The following MXRA5 variants were observed in gnomAD, a reference collection of about 807,000 sequenced individuals.
MXRA5 encodes the protein matrix-remodeling-associated protein 5.
MXRA5 carries 41 observed loss-of-function variants against 112.5 expected under a neutral mutation model. The observed-to-expected ratio is 0.36, with a 90% CI of 0.28 to 0.47. The LOEUF is 0.47. Among genes scored for constraint, MXRA5 ranks in the 20% least tolerant of loss-of-function variants. MXRA5 has a pLI of 0.99. For missense variants in MXRA5, 2,150 were observed against 2,251.0 expected (o/e 0.96, Z 0.91); for synonymous variants, 862 against 900.8 (o/e 0.96, Z 0.77).
chrX:3,323,145 A>G lies in MXRA5; in HGVS notation c.2540T>C (p.Leu847Pro). ...SAEESSADVP[L>P]LGEEEHVLGT... ...CAAAACGTGCTCTTCTTCACCAAGT[A>G]GAGGTACATCTGCTGAGGATTCTTC... Residue 847 changes from leucine (L) to proline (P), a missense_variant, in exon 5 of 7, where the codon CTA becomes CCA. Leu to Pro is a moderately conservative substitution (Grantham distance 98, BLOSUM62 -3). This residue lies in a region of MXRA5 where 1,485 missense variants were observed against 1,471.6 expected (regional missense o/e 1.01). Transcript: ENST00000217939. The G allele has an allele frequency of 2.5e-6, 3 of 1,211,657 alleles. No individual in the cohort carries two copies. The highest frequency in any genetic ancestry group is 3.4e-6 in the Non-Finnish European group (3 of 895,468).
chrX:3,316,171 A>T (rs113609604), intron 6 of MXRA5, among the ~76,000 whole-genome samples: 4 of 83,722 alleles, frequency 4.8e-5, no homozygotes, highest in African/African-American at 2.1e-4. Flanking sequence ...AAAATTAGCC[A>T]GGCGTGGTGG....
chrX:3,308,770 C>T lies in MXRA5; in HGVS notation c.*946G>A, dbSNP rs1265979380. 9.0e-6 allele frequency: 1 copy of T among 111,007 alleles called. No individual in the cohort carries two copies. The highest frequency in any genetic ancestry group is 3.3e-5 in the African/African-American group (1 of 30,493). The allele number at this position is 111,007 out of a possible 1,213,427, so 9.1% of individuals were successfully genotyped here. On this transcript the variant is annotated 3_prime_UTR_variant, in exon 7 of 7. Coordinates refer to ENST00000217939, the MANE Select transcript of MXRA5 (RefSeq NM_015419.4). Reference sequence around the variant, plus strand: ...GGCTTTTCGGGGAAGACTCTAGATTCAATTCTGTAAAGTTATGATGCAGTT... The same window carrying T: ...GGCTTTTCGGGGAAGACTCTAGATTTAATTCTGTAAAGTTATGATGCAGTT...
chrX:3,320,454 C>G lies in MXRA5; in HGVS notation c.5231G>C (p.Gly1744Ala), dbSNP rs2146920643. The change falls in exon 5 of 7, where the codon GGA becomes GCA. Residue 1744 changes from glycine to alanine, a missense_variant. Physicochemically the swap from Gly to Ala is moderately conservative, Grantham distance 60 (BLOSUM62 0). Around this residue, in one of 6 missense-constraint regions of MXRA5, gnomAD observed 1,485 missense variants for 1,471.6 expected, o/e 1.01. Transcript: ENST00000217939. Reference sequence around the variant, plus strand: ...GGGTATCTGGGGTCTCCGGGTGACTCCCAACTGTGGAAAAGAAAGAGTCTT... The same window carrying G: ...GGGTATCTGGGGTCTCCGGGTGACTGCCAACTGTGGAAAAGAAAGAGTCTT... The part of the protein sequence containing the change: ...TNKTLSFPQL[G>A]VTRRPQIPTS... The G allele has an allele frequency of 8.3e-7, 1 of 1,211,193 alleles. No homozygotes were observed. The highest frequency in any genetic ancestry group is 1.1e-6 in the Non-Finnish European group (1 of 895,247).
chrX:3,321,875 A>G lies in MXRA5; in HGVS notation c.3810T>C (p.Thr1270=), dbSNP rs1219398823. The change falls in exon 5 of 7, where the codon ACT becomes ACC. Residue 1270 remains threonine (T), a synonymous_variant. Coordinates refer to ENST00000217939, the MANE Select transcript of MXRA5 (RefSeq NM_015419.4). ...SPENKHRNIV[T]PSSETILLPR... The stretch of plus-strand genomic sequence containing the variant: ...GCAAAAGTATAGTTTCTGAACTGGG[A>G]GTAACAATGTTTCTATGTTTATTTT... The G allele has an allele frequency of 5.0e-6, 6 of 1,211,255 alleles. No individual in the cohort carries two copies. The South Asian group carries it at 1.1e-4, about 21-fold the overall frequency.
At chrX:3,335,386 A>G (rs753750254) in intron 2 of MXRA5, among the ~76,000 whole-genome samples, 3 of 111,210 alleles carry the variant, frequency 2.7e-5, no homozygotes, top group Admixed American at 1.9e-4. Flanking sequence ...TAGTAGAGAC[A>G]GGGTTTCACC....
At chrX:3,336,041 C>T (rs1209722430) in intron 2 of MXRA5, among the ~76,000 whole-genome samples, 1 of 112,258 alleles carries the variant, frequency 8.9e-6, no homozygotes, top group Non-Finnish European at 1.9e-5. Context: ...ACAGCCATTC[C>T]CCATTGCTGG....
chrX:3,336,735 A>G (rs1009192559), intron 2 of MXRA5, among the ~76,000 whole-genome samples: 2 of 112,599 alleles, frequency 1.8e-5, no homozygotes, highest in African/African-American at 6.5e-5. Context: ...CTTTGTACAG[A>G]TCAGCTTCGT....
chrX:3,319,100 A>C (rs1303706544), intron 5 of MXRA5, among the ~76,000 whole-genome samples: 1 of 111,609 alleles, frequency 9.0e-6, no homozygotes, highest in African/African-American at 3.3e-5. Context: ...AAGAGTATGA[A>C]GTTCAGTTAG....
chrX:3,316,961 C>T, intron 6 of MXRA5, 142 bp downstream of exon 6: 1 of 721,737 alleles, frequency 1.4e-6, no homozygotes, highest in Non-Finnish European at 1.9e-6. Flanking sequence ...CAGGCGTGAG[C>T]CACCGTGCCC....
chrX:3,310,503 G>A lies in MXRA5; in HGVS notation c.7700C>T (p.Ala2567Val), dbSNP rs142504923. Residue 2567 changes from alanine (A) to valine (V), a missense_variant, in exon 7 of 7, where the codon GCG becomes GTG. By Grantham distance (64) the Ala-to-Val change is moderately conservative. Around this residue, in one of 6 missense-constraint regions of MXRA5, gnomAD observed 93 missense variants for 135.5 expected, o/e 0.69. Transcript: ENST00000217939. ...CACCAGGCTGGGTGTCGGGGTCCCC[G>A]CGGCAGAGCAGTTGAGGCTGATGGT... ...GHTISLNCSA[A>V]GTPTPSLVWV... 106 of 1,198,778 alleles carry A rather than the reference G, an allele frequency of 8.8e-5. No homozygotes were observed. In the African/African-American group the frequency reaches 1.4e-3, roughly 16 times the overall value.
chrX:3,339,589 A>C (rs1921868556), intron 2 of MXRA5, among the ~76,000 whole-genome samples: 1 of 111,588 alleles, frequency 9.0e-6, no homozygotes, highest in Non-Finnish European at 1.9e-5. Flanking sequence ...TTTAAGGGGC[A>C]TTAGAGAGCT....
intron 2 of MXRA5, among the ~76,000 whole-genome samples, chrX:3,333,935 G>A (rs1921727446): frequency 1.8e-5 from 2 of 111,414 alleles, no homozygotes; most frequent in Admixed American, 1.9e-4. Context: ...GGAGGTCCCA[G>A]TGTGTAGACG....
chrX:3,346,451 TC>T (rs1922110521), intron 1 of MXRA5, 63 bp downstream of exon 1: 1 of 702,100 alleles, frequency 1.4e-6, no homozygotes, highest in African/African-American at 2.4e-5. Context: ...GTGTCTCAAA[TC>T]CCTTCACCCC....
chrX:3,331,223 A>C (rs1410876271), intron 2 of MXRA5, among the ~76,000 whole-genome samples: 1 of 111,598 alleles, frequency 9.0e-6, no homozygotes, highest in Non-Finnish European at 1.9e-5. Context: ...AGTGATTCTG[A>C]GGTTACAGGG....
At position 3,346,567 on chromosome X, in the gene MXRA5, G is replaced by T; in HGVS notation, c.-81C>A. The T allele has an allele frequency of 9.3e-6, 7 of 754,717 alleles. No homozygotes were observed. The highest frequency in any genetic ancestry group is 1.1e-5 in the Non-Finnish European group (7 of 639,322). The allele number at this position is 754,717 out of a possible 1,213,427, so 62.2% of individuals were successfully genotyped here. A position where few individuals can be genotyped will look rare whatever the true frequency, so the allele number is the denominator to read the frequency against. ...GAGCGGTGCGCCGGGAGCATCCACC[G>T]AGCCGGGGCGCGCGAGTCACGGCCG... On this transcript the variant is annotated 5_prime_UTR_variant, in exon 1 of 7. Transcript: ENST00000217939.
rs1431679580 is a variant in MXRA5 at position 3,313,878 on chromosome X, T to G, written c.6579-2254A>C. 2.7e-5 allele frequency among the ~76,000 whole-genome samples: 3 copies of G among 112,127 alleles called. No homozygotes were observed. The Admixed American group carries it at 2.8e-4, about 11-fold the overall frequency. The stretch of plus-strand genomic sequence containing the variant: ...CCTGGGTAAATTGGGTACATGGCTC[T>G]TCTGGATTGATTGTGCAAGCTCTTC... On this transcript the variant is annotated intron_variant, in intron 6 of 6. Transcript: ENST00000217939.
intron 2 of MXRA5, among the ~76,000 whole-genome samples, chrX:3,340,486 A>G (rs777306618): frequency 6.3e-5 from 7 of 111,894 alleles, no homozygotes; most frequent in Non-Finnish European, 1.3e-4. Flanking sequence ...TGGAAGTAAT[A>G]GATGTTGATG....
chrX:3,316,206 C>T (rs1168109986), intron 6 of MXRA5, among the ~76,000 whole-genome samples: 3 of 71,284 alleles, frequency 4.2e-5, no homozygotes, highest in East Asian at 4.3e-4. Context: ...CCCAGCTACA[C>T]GGGAGGCTGA....
chrX:3,320,577 C>T lies in MXRA5; in HGVS notation c.5108G>A (p.Gly1703Glu). The T allele has an allele frequency of 8.3e-7, 1 of 1,211,869 alleles. No homozygotes were observed. The highest frequency in any genetic ancestry group is 1.8e-5 in the South Asian group (1 of 57,001). Residue 1703 changes from glycine to glutamate, a missense_variant, in exon 5 of 7, where the codon GGA becomes GAA. Transcript: ENST00000217939. ...TCTTGCCTCAGGGATGTTGTTATTT[C>T]CAAACACTTTGGAGTAGCCATTGAA... ...DQFNGYSKVF[G>E]NNNIPEARNP...
Sources: gnomAD v4.1 joint callset for allele counts (sites outside exome capture counted in the v4.1 genomes callset) on GRCh38, gnomAD v4.1.1 for gene constraint, gnomAD v4.1.1 regional missense constraint, MANE v1.5 for transcripts, NCBI Gene and HGNC (gene_info 2026-07-23, HGNC 2026-07-21) for gene names.